Variants in WDR33 observed in about 807,000 individuals in gnomAD.
WDR33 encodes the protein pre-mRNA 3' end processing protein WDR33.
WDR33 carries 47 observed loss-of-function variants against 164.9 expected under a neutral mutation model. The observed-to-expected ratio is 0.29, with a 90% CI of 0.23 to 0.36. The LOEUF is 0.36. Ranked by LOEUF, WDR33 falls within the 10% of genes least tolerant of loss-of-function variation. The probability of loss-of-function intolerance (pLI) is 1.00; values close to 1 mark genes in which losing one functional copy is unlikely to be tolerated. For missense variants in WDR33, 1,137 were observed against 1,754.1 expected (o/e 0.65, Z 6.28); for synonymous variants, 505 against 589.0 (o/e 0.86, Z 2.06).
chr2:127,713,792 C>G lies in WDR33; in HGVS notation c.3099G>C (p.Glu1033Asp), dbSNP rs907501581. 2.5e-6 allele frequency: 4 copies of G among 1,614,262 alleles called. No homozygotes were observed. Among genetic ancestry groups the G allele is most frequent in the Non-Finnish European group, 2.5e-6 (3 of 1,180,054 alleles). Reference sequence around the variant, plus strand: ...CTTGCGGTAAAGGTCCTCCTCGCCCCTCAAATTCACGTAACCGGTGGCCAA... The same window carrying G: ...CTTGCGGTAAAGGTCCTCCTCGCCCGTCAAATTCACGTAACCGGTGGCCAA... ...KRFGHRLREF[E>D]GRGGPLPQEE... Residue 1033 changes from glutamate (E) to aspartate (D), a missense_variant, in exon 18 of 22, where the codon GAG becomes GAC. This residue lies in a region of WDR33 where 867 missense variants were observed against 1,073.0 expected (regional missense o/e 0.81). Coordinates refer to ENST00000322313, the MANE Select transcript of WDR33 (RefSeq NM_018383.5). This position sits in a 1 kb window ranked among gnomAD's most constrained non-coding sequence, Gnocchi z 6.2.
Position 127,709,819 on chromosome 2 carries a change from C to A in WDR33, c.3346G>T (p.Ala1116Ser). The A allele has an allele frequency of 1.2e-6, 2 of 1,614,222 alleles. No homozygotes were observed. The highest frequency in any genetic ancestry group is 1.7e-6 in the Non-Finnish European group (2 of 1,180,046). Reference sequence around the variant, plus strand: ...AAACCATCCCTTCCTCTGGGGGGAGCACGGCCCTCATGCCTCGGCGGGGCT... The same window carrying A: ...AAACCATCCCTTCCTCTGGGGGGAGAACGGCCCTCATGCCTCGGCGGGGCT... ...RGAPPRHEGR[A>S]PPRGRDGFPG... is the part of the protein sequence containing the mutation. The change falls in exon 19 of 22, where the codon GCT becomes TCT. Residue 1116 changes from alanine to serine, a missense_variant. This residue lies in a region of WDR33 where 867 missense variants were observed against 1,073.0 expected (regional missense o/e 0.81). Coordinates refer to ENST00000322313, the MANE Select transcript of WDR33 (RefSeq NM_018383.5). This position sits in a 1 kb window ranked among gnomAD's most constrained non-coding sequence, Gnocchi z 5.0.
chr2:127,740,742 C>T (rs542011426), intron 7 of WDR33, among the ~76,000 whole-genome samples: 12 of 152,226 alleles, frequency 7.9e-5, no homozygotes, highest in South Asian at 2.1e-4. Context: ...ATTATTTCAA[C>T]GCCACTAATG....
rs1686316371 is a variant in WDR33, at chr2:127,716,945, C to T, written c.2869+210G>A. Among the ~76,000 whole-genome samples the T allele has an allele frequency of 6.6e-6, 1 of 152,216 alleles. No homozygotes were observed. The highest frequency in any genetic ancestry group is 1.5e-5 in the Non-Finnish European group (1 of 68,032). Reference sequence around the variant, plus strand: ...CGACTGCTGGAGCCTGTGCGGGTGCCTTCATTGTCAGCCTCTGGGGTGAGG... The same window carrying T: ...CGACTGCTGGAGCCTGTGCGGGTGCTTTCATTGTCAGCCTCTGGGGTGAGG... On this transcript the variant is annotated intron_variant, in intron 17 of 21. Transcript: ENST00000322313. The surrounding 1 kb of genome is among the most constrained non-coding windows in gnomAD (Gnocchi z 4.5).
chr2:127,788,330 TG>T (rs1688686847), intron 1 of WDR33, among the ~76,000 whole-genome samples: 2 of 107,206 alleles, frequency 1.9e-5, no homozygotes, highest in Non-Finnish European at 3.8e-5. Flanking sequence ...ACGGGGCGGC[TG>T]GCCGGGCAGA....
chr2:127,794,833 C>CAAAAAAAAAAAAAA (rs990234716), intron 1 of WDR33, among the ~76,000 whole-genome samples: 1 of 79,264 alleles, frequency 1.3e-5, no homozygotes, highest in Non-Finnish European at 2.8e-5. Context: ...GACTCCGTTT[C>CAAAAAAAAAAAAAA]AAAAAAAAAA....
At position 127,720,061 on chromosome 2, in the gene WDR33, G is replaced by A. The variant is rs765736942; in HGVS notation, c.1964C>T (p.Pro655Leu). The A allele has an allele frequency of 3.2e-5, 51 of 1,614,024 alleles. No homozygotes were observed. The highest frequency in any genetic ancestry group is 4.2e-5 in the Non-Finnish European group (50 of 1,180,026). Residue 655 changes from proline (P) to leucine (L), a missense_variant, in exon 16 of 22, where the codon CCA (proline) becomes CTA (leucine). Physicochemically the swap from Pro to Leu is moderately conservative, Grantham distance 98. Transcript: ENST00000322313. This position sits in a 1 kb window ranked among gnomAD's most constrained non-coding sequence, Gnocchi z 5.9. ...CTGGGGCGGGCCCTGGGGCCCCTGT[G>A]GTCCCATGAATCCTTGTGGCCCCCC... Reference protein sequence around the residue: ...GGGGPQGFMGPQGPQGPPQGL... With the variant: ...GGGGPQGFMGLQGPQGPPQGL...
chr2:127,762,782 G>T, intron 7 of WDR33: 1 of 1,183,506 alleles, frequency 8.4e-7, no homozygotes, highest in Admixed American at 4.1e-5. Flanking sequence ...GAAGGAAAAG[G>T]AATACAGCCC....
rs1445190246 is a variant in WDR33 at position 127,713,517 on chromosome 2, T to G, written c.3308+66A>C. The G allele has an allele frequency of 6.5e-6, 10 of 1,548,588 alleles. No individual in the cohort carries two copies. The highest frequency in any genetic ancestry group is 7.0e-6 in the Non-Finnish European group (8 of 1,135,066). ...CCTCAAGAAAAAGAAGAAAGAGACC[T>G]TTGTGGAGACAGCAGATAAAAAGCT... On this transcript the variant is annotated intron_variant, in intron 18 of 21. Transcript: ENST00000322313. The surrounding 1 kb of genome is among the most constrained non-coding windows in gnomAD (Gnocchi z 6.2).
In WDR33 at chr2:127,708,702, G is replaced by A. The variant is rs1686076197; in HGVS notation, c.3756C>T (p.Gly1252=). Residue 1252 remains glycine (G), a synonymous_variant, in exon 21 of 22, where the codon GGC becomes GGT. Coordinates refer to ENST00000322313, the MANE Select transcript of WDR33 (RefSeq NM_018383.5). This position sits in a 1 kb window ranked among gnomAD's most constrained non-coding sequence, Gnocchi z 6.7. ...CTTTGCCTCCTCGGTCTTCAGAAGG[G>A]CCTCCTGGGGCCTCCATCTCTCTGT... ...SEHREMEAPG[G]PSEDRGGKGR... The A allele has an allele frequency of 2.5e-6, 4 of 1,609,630 alleles. No homozygotes were observed. The East Asian group carries it at 8.9e-5, about 36-fold the overall frequency.
intron 1 of WDR33, among the ~76,000 whole-genome samples, chr2:127,798,524 A>C (rs1689123322): frequency 6.6e-6 from 1 of 152,074 alleles, no homozygotes; most frequent in Non-Finnish European, 1.5e-5. Flanking sequence ...TTAAGCTTTT[A>C]TGAGCCTCTT....
At position 127,724,504 on chromosome 2, in the gene WDR33, C is replaced by A; in HGVS notation, c.1086-61G>T. ...AAAGTTACCCAGCTTCTCCCTCCCC[C>A]TCAAAAAAGACATTTTCTGTTACTC... On this transcript the variant is annotated intron_variant, in intron 10 of 21. Coordinates refer to ENST00000322313, the MANE Select transcript of WDR33 (RefSeq NM_018383.5). The surrounding 1 kb of genome is among the most constrained non-coding windows in gnomAD (Gnocchi z 4.8). 1.4e-6 allele frequency: 2 copies of A among 1,425,648 alleles called. No individual in the cohort carries two copies. The highest frequency in any genetic ancestry group is 1.4e-5 in the African/African-American group (1 of 70,392). The allele number at this position is 1,425,648 out of a possible 1,614,324, so 88.3% of individuals were successfully genotyped here. A position where few individuals can be genotyped will look rare whatever the true frequency, so the allele number is the denominator to read the frequency against.
In WDR33 at chr2:127,709,926, A is replaced by G; in HGVS notation, c.3309-70T>C. 6.5e-7 allele frequency: 1 copy of G among 1,547,904 alleles called. No homozygotes were observed. The highest frequency in any genetic ancestry group is 1.2e-5 in the South Asian group (1 of 83,368). ...GCCACTCTAAGTTCATGTTTCAAAG[A>G]AGCATATGATATGAGAAAGCATGAT... On this transcript the variant is annotated intron_variant, in intron 18 of 21. Coordinates refer to ENST00000322313, the MANE Select transcript of WDR33 (RefSeq NM_018383.5). This position sits in a 1 kb window ranked among gnomAD's most constrained non-coding sequence, Gnocchi z 5.0.
At chr2:127,808,651 T>G (rs535536221) in intron 1 of WDR33, among the ~76,000 whole-genome samples, 25 of 152,126 alleles carry the variant, frequency 1.6e-4, no homozygotes, top group Non-Finnish European at 3.1e-4. Context: ...TCCCAGCACT[T>G]TGGGAGGCCC....
intron 1 of WDR33, among the ~76,000 whole-genome samples, chr2:127,807,338 G>C (rs1447569068): frequency 6.6e-6 from 1 of 152,100 alleles, no homozygotes; most frequent in African/African-American, 2.4e-5. Context: ...AAAGTTACCA[G>C]AATATTCCAT....
At chr2:127,771,729 G>C (rs1688009218) in intron 1 of WDR33, among the ~76,000 whole-genome samples, 1 of 143,536 alleles carries the variant, frequency 7.0e-6, no homozygotes, top group South Asian at 2.5e-4. Flanking sequence ...ACTGAGCCAT[G>C]ATCATGCCAC....
intron 7 of WDR33, among the ~76,000 whole-genome samples, chr2:127,752,164 C>G (rs897180133): frequency 4.6e-5 from 7 of 152,206 alleles, no homozygotes; most frequent in Non-Finnish European, 1.0e-4. Flanking sequence ...AACATTTTAC[C>G]AGAGCTATCA....
At position 127,711,751 on chromosome 2, in the gene WDR33, GATATATAT is replaced by G. The variant is rs754454193; in HGVS notation, c.3308+1824_3308+1831del. On this transcript the variant is annotated intron_variant, in intron 18 of 21. Transcript: ENST00000322313. ...CAACCCTAACTCAACCACATATACA[GATATATAT>G]ATATATATATATATATATATATTTT... is the stretch of plus-strand genomic sequence containing the variant. Among the ~76,000 whole-genome samples the G allele has an allele frequency of 7.4e-4, 53 of 71,600 alleles. 7 individuals carry two copies. The highest frequency in any genetic ancestry group is 2.5e-3 in the African/African-American group (25 of 10,106). 47.0% of individuals were successfully genotyped at this position (71,600 alleles called of 152,430 possible).
At chr2:127,733,882 G>A (rs1192394930) in intron 7 of WDR33, among the ~76,000 whole-genome samples, 2 of 152,146 alleles carry the variant, frequency 1.3e-5, no homozygotes, top group Admixed American at 6.5e-5. Flanking sequence ...GAACTATCCA[G>A]CCCTCTAACT....
At chr2:127,772,488 G>A (rs1349547271) in intron 1 of WDR33, among the ~76,000 whole-genome samples, 3 of 151,956 alleles carry the variant, frequency 2.0e-5, no homozygotes, top group Admixed American at 2.0e-4. Context: ...TTATTTTCAT[G>A]TTTATTAAGA....
Sources: gnomAD v4.1 joint callset for allele counts (sites outside exome capture counted in the v4.1 genomes callset) on GRCh38, gnomAD v4.1.1 for gene constraint, gnomAD v4.1.1 regional missense constraint, Gnocchi (gnomAD v3.1) non-coding constraint, MANE v1.5 for transcripts, NCBI Gene and HGNC (gene_info 2026-07-23, HGNC 2026-07-21) for gene names.